LINGO2: variants seen among roughly 807,000 people sequenced by gnomAD.
The protein encoded by LINGO2 is leucine rich repeat and Ig domain containing 2.
A neutral mutation model predicts 30.6 loss-of-function variants in LINGO2; 14 were observed. The ratio of observed to expected loss-of-function variants is 0.46; its 90% CI spans 0.30 to 0.72. The LOEUF is 0.72. LINGO2 is among the 30% of genes least tolerant of loss of function. LINGO2 has a pLI of 0.07. For synonymous variants in LINGO2, 317 were observed against 288.5 expected, an observed-to-expected ratio of 1.10 and a Z score of -1.00; for missense variants, 729 against 751.7, an observed-to-expected ratio of 0.97 and a Z score of 0.35.
chr9:28,201,109 G>A (rs865922595), intron 4 of LINGO2, among the ~76,000 whole-genome samples: 8 of 149,896 alleles, frequency 5.3e-5, no homozygotes, highest in African/African-American at 2.0e-4. Context: ...TAAGTTTTAG[G>A]GTACATGTGC....
intron 1 of LINGO2, among the ~76,000 whole-genome samples, chr9:28,537,472 C>T (rs1356004836): frequency 6.6e-6 from 1 of 151,862 alleles, no homozygotes; most frequent in South Asian, 2.1e-4. Flanking sequence ...TAGTCATGGA[C>T]TTTGACTGTG....
At chr9:28,539,109 T>C (rs1248473932) in intron 1 of LINGO2, among the ~76,000 whole-genome samples, 1 of 152,034 alleles carries the variant, frequency 6.6e-6, no homozygotes, top group Admixed American at 6.6e-5. Flanking sequence ...ATTCTTTCAG[T>C]AAGGTTGAAA....
At chr9:29,175,206 C>T in the LINGO2 span, among the ~76,000 whole-genome samples, 2 of 152,168 alleles carry the variant, frequency 1.3e-5, 1 homozygote, top group South Asian at 4.1e-4. Flanking sequence ...TTGCAGTGAG[C>T]CAAGATCATG....
At chr9:27,983,544 T>G (rs576159766) in intron 5 of LINGO2, among the ~76,000 whole-genome samples, 1 of 151,984 alleles carries the variant, frequency 6.6e-6, no homozygotes, top group East Asian at 1.9e-4. Context: ...GATGCTTTCC[T>G]AGAGTCATCC....
intron 4 of LINGO2, among the ~76,000 whole-genome samples, chr9:28,085,447 G>C (rs1452361): frequency 2.6e-5 from 4 of 151,888 alleles, no homozygotes; most frequent in African/African-American, 9.7e-5. Flanking sequence ...GGCCTCTAGG[G>C]TACTACTAGA....
the LINGO2 span, among the ~76,000 whole-genome samples, chr9:28,681,378 A>G: frequency 6.6e-6 from 1 of 152,232 alleles, no homozygotes; most frequent in Non-Finnish European, 1.5e-5. Flanking sequence ...GGGCAATGAT[A>G]GCAAAAATCC....
At chr9:28,590,647 G>C (rs1457793202) in intron 1 of LINGO2, among the ~76,000 whole-genome samples, 4 of 152,004 alleles carry the variant, frequency 2.6e-5, no homozygotes, top group African/African-American at 9.7e-5. Context: ...TCATTAAAAA[G>C]TCAGGAAACG....
the LINGO2 span, among the ~76,000 whole-genome samples, chr9:28,889,570 TTGTC>T: frequency 1.3e-5 from 2 of 152,114 alleles, no homozygotes; most frequent in African/African-American, 4.8e-5. Context: ...GTTATTGAAG[TTGTC>T]TTTTTCTATT....
chr9:28,429,977 T>C (rs1296685332), intron 2 of LINGO2, among the ~76,000 whole-genome samples: 2 of 152,212 alleles, frequency 1.3e-5, no homozygotes, highest in African/African-American at 4.8e-5. Flanking sequence ...GAATTAGTTA[T>C]GTCTTCAGAT....
At chr9:28,415,800 C>T (rs1033819025) in intron 2 of LINGO2, among the ~76,000 whole-genome samples, 1 of 152,106 alleles carries the variant, frequency 6.6e-6, no homozygotes, top group Non-Finnish European at 1.5e-5. Flanking sequence ...TCCTGTTTTA[C>T]AAGCAATTAT....
the LINGO2 span, among the ~76,000 whole-genome samples, chr9:29,031,860 G>A: frequency 0.028 from 4,283 of 152,178 alleles, 196 homozygotes; most frequent in African/African-American, 0.097. Context: ...AAGAGAGTGA[G>A]ATATATTTTA....
chr9:28,887,595 A>T, the LINGO2 span, among the ~76,000 whole-genome samples: 1 of 152,136 alleles, frequency 6.6e-6, no homozygotes, highest in Admixed American at 6.6e-5. Flanking sequence ...CATCACAACA[A>T]GCTACTGGAA....
intron 4 of LINGO2, among the ~76,000 whole-genome samples, chr9:28,086,250 G>A (rs991686643): frequency 2.6e-5 from 4 of 151,850 alleles, no homozygotes; most frequent in Non-Finnish European, 5.9e-5. Context: ...TAAAACATAT[G>A]GAAAAATGCT....
chr9:29,116,442 C>T, the LINGO2 span, among the ~76,000 whole-genome samples: 1 of 151,284 alleles, frequency 6.6e-6, no homozygotes, highest in Non-Finnish European at 1.5e-5. Context: ...TTCATTTATA[C>T]TCCCTTTTAT....
At chr9:28,711,737 A>C in the LINGO2 span, among the ~76,000 whole-genome samples, 244 of 152,266 alleles carry the variant, frequency 1.6e-3, 1 homozygote, top group Middle Eastern at 3.4e-3. Context: ...TAATTTCCTC[A>C]TCTAGAAATA....
intron 2 of LINGO2, among the ~76,000 whole-genome samples, chr9:28,456,727 A>AT (rs1221113361): frequency 6.6e-6 from 1 of 152,148 alleles, no homozygotes; most frequent in Non-Finnish European, 1.5e-5. Context: ...CAAACATAAG[A>AT]TATTTGCTAA....
chr9:28,774,041 T>TACAC, the LINGO2 span, among the ~76,000 whole-genome samples: 961 of 146,878 alleles, frequency 6.5e-3, 6 homozygotes, highest in Non-Finnish European at 9.7e-3. Context: ...TTCTTTTTGA[T>TACAC]ACACACACAC....
At chr9:28,375,606 G>C (rs1466781382) in intron 2 of LINGO2, among the ~76,000 whole-genome samples, 1 of 152,212 alleles carries the variant, frequency 6.6e-6, no homozygotes, top group Admixed American at 6.5e-5. Context: ...TCTGATGAGT[G>C]ATGGAACAGC....
At chr9:29,135,909 A>G in the LINGO2 span, among the ~76,000 whole-genome samples, 1 of 152,176 alleles carries the variant, frequency 6.6e-6, no homozygotes, top group Non-Finnish European at 1.5e-5. Context: ...TTCCCTTAGC[A>G]TAATGTCGTC....
Sources: allele counts gnomAD v4.1 joint callset (sites outside exome capture counted in the v4.1 genomes callset), GRCh38; gene constraint gnomAD v4.1.1; transcripts MANE v1.5; gene names NCBI Gene and HGNC (gene_info 2026-07-23, HGNC 2026-07-21).